EPB41L5: variants seen among roughly 807,000 people sequenced by gnomAD.
EPB41L5 encodes the protein erythrocyte membrane protein band 4.1 like 5.
In EPB41L5, 55 loss-of-function variants were observed where a neutral mutation model predicts 106.6. The ratio of observed to expected loss-of-function variants is 0.52; its 90% CI spans 0.42 to 0.65. The LOEUF (loss-of-function observed/expected upper bound fraction) is 0.65. EPB41L5 is among the 30% of genes least tolerant of loss of function. The probability of loss-of-function intolerance (pLI) is 0.00; values close to 1 mark genes in which losing one functional copy is unlikely to be tolerated. For missense variants in EPB41L5, 871 were observed against 882.1 expected (o/e 0.99, Z 0.16); for synonymous variants, 297 against 306.7 (o/e 0.97, Z 0.33).
chr2:120,068,399 A>G (rs1304920231), intron 3 of EPB41L5, among the ~76,000 whole-genome samples: 2 of 152,214 alleles, frequency 1.3e-5, no homozygotes, highest in Non-Finnish European at 2.9e-5. Flanking sequence ...CAGGGGGCCA[A>G]GTGGTCTAGC....
chr2:120,060,058 A>G (rs1680929673), intron 3 of EPB41L5, among the ~76,000 whole-genome samples: 1 of 152,236 alleles, frequency 6.6e-6, no homozygotes, highest in African/African-American at 2.4e-5. Context: ...CCTCAGTGAG[A>G]TGTTTTCACT....
intron 1 of EPB41L5, among the ~76,000 whole-genome samples, chr2:120,015,679 G>A (rs1677466338): frequency 1.3e-5 from 2 of 151,024 alleles, no homozygotes; most frequent in African/African-American, 2.4e-5. Context: ...TGCCTCATGC[G>A]TGTAATCCCA....
chr2:120,089,761 G>A (rs1331624131), intron 11 of EPB41L5, among the ~76,000 whole-genome samples: 5 of 152,168 alleles, frequency 3.3e-5, no homozygotes, highest in Admixed American at 2.6e-4. Flanking sequence ...GTTGTTAGAG[G>A]TGTATGTAGA....
chr2:120,038,934 A>G (rs957972576), intron 2 of EPB41L5, among the ~76,000 whole-genome samples: 1 of 152,222 alleles, frequency 6.6e-6, no homozygotes, highest in African/African-American at 2.4e-5. Flanking sequence ...ATGTACATCA[A>G]CACTTGAAGA....
At chr2:120,022,270 G>T (rs571729373) in intron 2 of EPB41L5, among the ~76,000 whole-genome samples, 2 of 152,114 alleles carry the variant, frequency 1.3e-5, no homozygotes, top group African/African-American at 4.8e-5. Context: ...TGCCATCGTG[G>T]TTTGCTGTAC....
chr2:120,072,601 TA>T lies in EPB41L5; in HGVS notation c.286-573del, dbSNP rs1372771329. 5.9e-5 allele frequency among the ~76,000 whole-genome samples: 9 copies of T among 152,228 alleles called. No individual in the cohort carries two copies. In the East Asian group the frequency reaches 1.5e-3, roughly 26 times the overall value. On this transcript the variant is annotated intron_variant, in intron 3 of 24. Transcript: ENST00000263713. ...TACACCATGGAATACTATGCAGCCA[TA>T]AAATAGGATGAGTTCATGTCCTTTG...
chr2:120,138,822 G>A (rs1686046375), intron 18 of EPB41L5, among the ~76,000 whole-genome samples: 1 of 151,582 alleles, frequency 6.6e-6, no homozygotes, highest in African/African-American at 2.4e-5. Flanking sequence ...CAAAGAAATA[G>A]AAAAAAATAA....
chr2:120,083,953 G>A (rs1665066), intron 10 of EPB41L5, among the ~76,000 whole-genome samples: 23 of 151,768 alleles, frequency 1.5e-4, no homozygotes, highest in African/African-American at 5.6e-4. Context: ...CATTTGCTTG[G>A]TAGATCTTCC....
chr2:120,022,253 AT>A (rs1265606677), intron 2 of EPB41L5, among the ~76,000 whole-genome samples: 1 of 152,134 alleles, frequency 6.6e-6, no homozygotes, highest in Non-Finnish European at 1.5e-5. Context: ...TTACATAGGT[AT>A]ACACGTGCCA....
intron 3 of EPB41L5, among the ~76,000 whole-genome samples, chr2:120,052,173 G>A (rs10186639): frequency 0.027 from 4,072 of 152,228 alleles, 179 homozygotes; most frequent in African/African-American, 0.093. Context: ...TTAACCTGGA[G>A]TACTGCGGTT....
intron 3 of EPB41L5, among the ~76,000 whole-genome samples, chr2:120,046,696 G>A (rs1277277366): frequency 6.6e-6 from 1 of 152,054 alleles, no homozygotes; most frequent in Non-Finnish European, 1.5e-5. Context: ...GGCTTTTGTT[G>A]CCATTGCTTT....
At chr2:120,143,376 G>A (rs1282944641) in intron 19 of EPB41L5, among the ~76,000 whole-genome samples, 1 of 152,132 alleles carries the variant, frequency 6.6e-6, no homozygotes, top group Non-Finnish European at 1.5e-5. Context: ...CCTTATTTCA[G>A]TATTAAATCT....
At chr2:120,064,157 G>A (rs1681286118) in intron 3 of EPB41L5, among the ~76,000 whole-genome samples, 1 of 152,164 alleles carries the variant, frequency 6.6e-6, no homozygotes, top group Admixed American at 6.5e-5. Flanking sequence ...GTAACGCTAT[G>A]TATTCATCCT....
At position 120,148,321 on chromosome 2, in the gene EPB41L5, C is replaced by T. The variant is rs911869467; in HGVS notation, c.1793+2032C>T. Among the ~76,000 whole-genome samples, 5 of 152,196 alleles carry T rather than the reference C, an allele frequency of 3.3e-5. No individual in the cohort carries two copies. In the East Asian group the frequency reaches 7.7e-4, roughly 24 times the overall value. On this transcript the variant is annotated intron_variant, in intron 20 of 24. Transcript: ENST00000263713. ...GTCTAGAAACTCCTTACCCTCACTC[C>T]TTACCCTTTCCAGACCTTAGGTAAG...
chr2:120,106,034 A>G (rs994052312), intron 16 of EPB41L5: 59 of 984,852 alleles, frequency 6.0e-5, no homozygotes, highest in Non-Finnish European at 7.0e-5. Flanking sequence ...TGCCCCATAT[A>G]TATCTTAGCA....
chr2:120,081,836 G>T (rs1375622306), intron 10 of EPB41L5, among the ~76,000 whole-genome samples: 1 of 152,150 alleles, frequency 6.6e-6, no homozygotes, highest in Non-Finnish European at 1.5e-5. Flanking sequence ...TCCCTTGTAA[G>T]TTGGATTCCT....
intron 19 of EPB41L5, among the ~76,000 whole-genome samples, chr2:120,143,972 A>G (rs532833559): frequency 6.6e-6 from 1 of 152,302 alleles, no homozygotes; most frequent in South Asian, 2.1e-4. Flanking sequence ...ACCTACCTTA[A>G]GCTGGGTTGT....
rs144543493 is a variant in EPB41L5, at chr2:120,131,553, C to T, written c.1502-65C>T. On this transcript the variant is annotated intron_variant, in intron 17 of 24. Transcript: ENST00000263713. ...TGAGAAGACAAAACAAAACCATACC[C>T]TCACACAGCTAGCTGTGACAGCCTG... 25 of 1,111,878 alleles carry T rather than the reference C, an allele frequency of 2.2e-5. No individual in the cohort carries two copies. In the East Asian group the frequency reaches 5.7e-4, roughly 25 times the overall value. The allele number at this position is 1,111,878 out of a possible 1,614,324, so 68.9% of individuals were successfully genotyped here.
chr2:120,175,243 A>G lies in EPB41L5; in HGVS notation c.*336A>G. ...TTCTATTTGTTCATAACAACTTCAT[A>G]ACAAGCCTGCCTCTGGTAGTCAACA... On this transcript the variant is annotated 3_prime_UTR_variant, in exon 25 of 25. Transcript: ENST00000263713. 1 of 240,004 alleles carries G rather than the reference A, an allele frequency of 4.2e-6. No homozygotes were observed. Among genetic ancestry groups the G allele is most frequent in the East Asian group, 7.9e-5 (1 of 12,704 alleles). The allele number at this position is 240,004 out of a possible 1,614,324, so 14.9% of individuals were successfully genotyped here. A position where few individuals can be genotyped will look rare whatever the true frequency, so the allele number is the denominator to read the frequency against.
Sources: gnomAD v4.1 joint callset for allele counts (sites outside exome capture counted in the v4.1 genomes callset) on GRCh38, gnomAD v4.1.1 for gene constraint, MANE v1.5 for transcripts, NCBI Gene and HGNC (gene_info 2026-07-23, HGNC 2026-07-21) for gene names.